Variants in SPTBN5 observed in about 807,000 individuals in gnomAD.
SPTBN5 encodes the protein spectrin beta, non-erythrocytic 5.
SPTBN5 carries 513 observed loss-of-function variants against 477.6 expected under a neutral mutation model. The ratio of observed to expected loss-of-function variants is 1.07; its 90% CI spans 1.00 to 1.16. The LOEUF is 1.16. SPTBN5 is among the 50% of genes most tolerant of loss of function. The probability of loss-of-function intolerance (pLI) is 0.00; values close to 1 mark genes in which losing one functional copy is unlikely to be tolerated. For synonymous variants in SPTBN5, 2,169 were observed against 2,011.7 expected (o/e 1.08, Z -2.09); for missense variants, 5,062 against 4,731.8 (o/e 1.07, Z -2.05).
At position 41,876,806 on chromosome 15, in the gene SPTBN5, C is replaced by T. The variant is rs1322029264; in HGVS notation, c.3851+3G>A. ...AGGTGCTGCAGACTGAGGCCAGGCT[C>T]ACGTGTGTGCAGCTGGGTGCTGGCT... is the stretch of plus-strand genomic sequence containing the variant. On this transcript the variant is annotated splice_donor_region_variant and intron_variant, in intron 19 of 67. Coordinates refer to ENST00000320955, the MANE Select transcript of SPTBN5 (RefSeq NM_016642.4). 6.2e-7 allele frequency: 1 copy of T among 1,609,976 alleles called. No individual in the cohort carries two copies. The highest frequency in any genetic ancestry group is 1.3e-5 in the African/African-American group (1 of 75,012).
rs749007004 is a variant in SPTBN5 at position 41,863,962 on chromosome 15, C to T, written c.6981G>A (p.Arg2327=). Residue 2327 remains arginine (R), a synonymous_variant, in exon 40 of 68, where the codon CGG becomes CGA. Coordinates refer to ENST00000320955, the MANE Select transcript of SPTBN5 (RefSeq NM_016642.4). ...ISDLSLQLKN[R]DPEEVKIICQ... is the part of the protein sequence containing the mutation. ...AGATGATCTTGACTTCCTCAGGGTC[C>T]CGGTTCTTGAGCTGCAGTGACAAGT... The T allele has an allele frequency of 2.5e-6, 4 of 1,613,854 alleles. No homozygotes were observed. The highest frequency in any genetic ancestry group is 3.4e-6 in the Non-Finnish European group (4 of 1,179,880).
intron 18 of SPTBN5, 69 bp from the exon 19 acceptor site, chr15:41,877,017 C>G: frequency 1.3e-6 from 2 of 1,587,382 alleles, no homozygotes; most frequent in Non-Finnish European, 1.7e-6. Context: ...CCGCCACTGC[C>G]CCAGGGGCCT....
intron 62 of SPTBN5, 76 bp downstream of exon 62, chr15:41,852,106 C>T (rs889563698): frequency 7.4e-6 from 11 of 1,493,304 alleles, no homozygotes; most frequent in Non-Finnish European, 9.9e-6. Context: ...GGGCCCTCAC[C>T]CCCACAGCCC....
chr15:41,860,266 C>G (rs1383309295), intron 47 of SPTBN5, among the ~76,000 whole-genome samples: 1 of 152,238 alleles, frequency 6.6e-6, no homozygotes, highest in African/African-American at 2.4e-5. Flanking sequence ...AAGGCCGATG[C>G]TTGACCTCTG....
Position 41,858,928 on chromosome 15 carries a change from G to A in SPTBN5, c.8041C>T (p.Leu2681Phe), listed in dbSNP as rs61753581. ...TGCAGGAAGGCCTGCAGCTGCCGGA[G>A]CTCCTCCAGGCGATGGCGGCGGGTC... ...AGTRRHRLEELRQLQAFLQDS... is the reference protein window; with the variant it reads ...AGTRRHRLEEFRQLQAFLQDS... Residue 2681 changes from leucine to phenylalanine, a missense_variant, in exon 48 of 68, where the codon CTC becomes TTC. Transcript: ENST00000320955. 2,776 of 1,595,104 alleles carry A rather than the reference G, an allele frequency of 1.7e-3. 42 individuals carry two copies. In the African/African-American group the frequency reaches 0.034, roughly 19 times the overall value.
chr15:41,877,586 G>A (rs1165120722), intron 17 of SPTBN5, among the ~76,000 whole-genome samples: 4 of 152,240 alleles, frequency 2.6e-5, no homozygotes, highest in African/African-American at 7.2e-5. Context: ...GACATGCGGA[G>A]GCAGCACAGT....
Position 41,873,884 on chromosome 15 carries a change from C to T in SPTBN5, c.4851G>A (p.Ala1617=), listed in dbSNP as rs377389393. The T allele has an allele frequency of 1.5e-4, 249 of 1,611,438 alleles. No individual in the cohort carries two copies. The African/African-American group carries it at 2.1e-3, about 14-fold the overall frequency. The part of the protein sequence containing the change: ...HWAELERACE[A]RAQCLQQAVT... Reference sequence around the variant, plus strand: ...CAGCCTGCTGCAGACACTGGGCCCGCGCTTCACATGCCCTCTCCAGCTCTG... The same window carrying T: ...CAGCCTGCTGCAGACACTGGGCCCGTGCTTCACATGCCCTCTCCAGCTCTG... Residue 1617 remains alanine (A), a synonymous_variant, in exon 25 of 68, where the codon GCG becomes GCA. Transcript: ENST00000320955.
chr15:41,851,509 C>G, intron 63 of SPTBN5, 140 bp from the exon 64 acceptor site: 1 of 587,532 alleles, frequency 1.7e-6, no homozygotes, highest in Non-Finnish European at 2.9e-6. Flanking sequence ...AAAGGGAAGC[C>G]ACAGAGGGGC....
chr15:41,867,665 G>A, intron 34 of SPTBN5, 23 bp from the exon 35 acceptor site: 1 of 1,608,814 alleles, frequency 6.2e-7, no homozygotes. Flanking sequence ...AAAAGTCAGA[G>A]GCCACCAAGC....
At position 41,871,493 on chromosome 15, in the gene SPTBN5, G is replaced by A. The variant is rs753202206; in HGVS notation, c.5329C>T (p.Gln1777Ter). 3.3e-6 allele frequency: 5 copies of A among 1,520,236 alleles called. No individual in the cohort carries two copies. Among genetic ancestry groups the A allele is most frequent in the East Asian group, 5.0e-5 (2 of 40,138 alleles). 94.2% of individuals were successfully genotyped at this position (1,520,236 alleles called of 1,614,324 possible). The change falls in exon 29 of 68, where the codon CAG (glutamine) becomes TAG (stop). Residue 1777 changes from glutamine (Q) to a stop codon, truncating the protein, a stop_gained. Transcript: ENST00000320955. LOFTEE classifies it high-confidence loss of function. ...LHLCTKFAKF[Q>*]HQVEMGSQRV... ...TGGCTGCCCATCTCCACTTGGTGCT[G>A]AAACTTTGCAAACTTGGTGCAGAGG... is the stretch of plus-strand genomic sequence containing the variant.
intron 26 of SPTBN5, 77 bp downstream of exon 26, chr15:41,873,415 G>T: frequency 1.8e-6 from 2 of 1,106,880 alleles, no homozygotes; most frequent in South Asian, 1.4e-5. Context: ...GCCTCTGAGA[G>T]AGGGAGGGTG....
chr15:41,891,254 G>A (rs2067302804), intron 3 of SPTBN5, among the ~76,000 whole-genome samples: 1 of 152,222 alleles, frequency 6.6e-6, no homozygotes, highest in South Asian at 2.1e-4. Flanking sequence ...AAGAAAAGGA[G>A]TGAGACTTTC....
Position 41,887,352 on chromosome 15 carries a change from C to T in SPTBN5, c.749G>A (p.Gly250Asp), listed in dbSNP as rs1460528988. 9.0e-6 allele frequency: 14 copies of T among 1,552,452 alleles called. No individual in the cohort carries two copies. The highest frequency in any genetic ancestry group is 1.7e-6 in the Non-Finnish European group (2 of 1,147,774). ...FAFLVAEQELGIAQLLDPEDV... is the reference protein window; with the variant it reads ...FAFLVAEQELDIAQLLDPEDV... Reference sequence around the variant, plus strand: ...CTCGGGGTCCAGCAGCTGAGCAATGCCCAGCTCCTGCTCAGCCACCAGGAA... The same window carrying T: ...CTCGGGGTCCAGCAGCTGAGCAATGTCCAGCTCCTGCTCAGCCACCAGGAA... The change falls in exon 6 of 68, where the codon GGC becomes GAC. Residue 250 changes from glycine to aspartate, a missense_variant. Gly to Asp is a moderately conservative substitution (Grantham distance 94, BLOSUM62 -1). Transcript: ENST00000320955.
chr15:41,870,148 G>T, intron 31 of SPTBN5, 95 bp downstream of exon 31: 2 of 1,461,522 alleles, frequency 1.4e-6, no homozygotes, highest in Non-Finnish European at 1.8e-6. Flanking sequence ...GCCCATGGGA[G>T]GCCCTGAGGG....
intron 21 of SPTBN5, 139 bp downstream of exon 21, chr15:41,875,975 G>A (rs2066709917): frequency 1.9e-6 from 2 of 1,068,816 alleles, no homozygotes; most frequent in Non-Finnish European, 1.3e-6. Flanking sequence ...CAGCATCAAG[G>A]AGGCTTGCAG....
intron 36 of SPTBN5, 200 bp from the exon 37 acceptor site, chr15:41,866,693 T>A (rs1210737795): frequency 1.3e-6 from 1 of 752,372 alleles, no homozygotes; most frequent in Non-Finnish European, 2.0e-6. Flanking sequence ...GCTCTCGTTT[T>A]GGAGGTGTGG....
intron 2 of SPTBN5, 87 bp downstream of exon 2, chr15:41,893,195 T>TGACCCCA: frequency 6.3e-7 from 1 of 1,589,688 alleles, no homozygotes; most frequent in Non-Finnish European, 8.6e-7. Context: ...CTCAGGCAGA[T>TGACCCCA]GACCCCACAG....
chr15:41,849,956 T>A lies in SPTBN5; in HGVS notation c.10925A>T (p.Gln3642Leu), dbSNP rs1197079499. 1.9e-6 allele frequency: 3 copies of A among 1,588,786 alleles called. No homozygotes were observed. Among genetic ancestry groups the A allele is most frequent in the Admixed American group, 1.8e-5 (1 of 56,286 alleles). ...GGCTTTGAGTTTTGGGCTCAGACTC[T>A]GGGCTGCAGAGCAAGGGAATAACCA... is the stretch of plus-strand genomic sequence containing the variant. ...WWRALGSTAAQSLSPKLKAKP... is the reference protein window; with the variant it reads ...WWRALGSTAALSLSPKLKAKP... The change falls in exon 67 of 68, where the codon CAG (glutamine) becomes CTG (leucine). Residue 3642 changes from glutamine to leucine, a missense_variant. Gln to Leu is a moderately radical substitution (Grantham distance 113, BLOSUM62 -2). Transcript: ENST00000320955.
At chr15:41,870,697 C>G (rs1482047251) in intron 29 of SPTBN5, 137 bp from the exon 30 acceptor site, 4 of 686,698 alleles carry the variant, frequency 5.8e-6, no homozygotes, top group Non-Finnish European at 9.7e-6. Flanking sequence ...CTTAAAACCT[C>G]TCCCGCCTGT....
Sources: gnomAD v4.1 joint callset for allele counts (sites outside exome capture counted in the v4.1 genomes callset) on GRCh38, gnomAD v4.1.1 for gene constraint, MANE v1.5 for transcripts, NCBI Gene and HGNC (gene_info 2026-07-23, HGNC 2026-07-21) for gene names.